Variants in TMEM140 observed in about 807,000 individuals in gnomAD.
TMEM140 encodes the protein transmembrane protein 140.
For synonymous variants in TMEM140, 107 were observed against 106.8 expected, an observed-to-expected ratio of 1.00 and a Z score of -0.01; for missense variants, 236 against 228.5, an observed-to-expected ratio of 1.03 and a Z score of -0.21.
chr7:135,158,445 A>T (rs370350724), intron 1 of TMEM140, among the ~76,000 whole-genome samples: 21 of 152,192 alleles, frequency 1.4e-4, no homozygotes, highest in African/African-American at 4.8e-4. Context: ...CCTCACAAGT[A>T]AGCAGCATTG....
At chr7:135,157,388 G>C (rs528267007) in intron 1 of TMEM140, among the ~76,000 whole-genome samples, 1 of 152,364 alleles carries the variant, frequency 6.6e-6, no homozygotes, top group South Asian at 2.1e-4. Flanking sequence ...AATTAGCTGA[G>C]ACTAAGTCCC....
rs774240687 is a variant in TMEM140, at chr7:135,164,466, C to G, written c.25C>G (p.Arg9Gly). Residue 9 changes from arginine (R) to glycine (G), a missense_variant, in exon 2 of 2, where the codon CGC becomes GGC. Transcript: ENST00000275767. ...GATGGCCGGCCCAAGGCCTCGGTGGCGCGACCAGCTGCTGTTCATGAGCAT... is the reference window on the plus strand; with the variant it reads ...GATGGCCGGCCCAAGGCCTCGGTGGGGCGACCAGCTGCTGTTCATGAGCAT... MAGPRPRW[R>G]DQLLFMSIIV... 6.3e-7 allele frequency: 1 copy of G among 1,599,474 alleles called. No individual in the cohort carries two copies. The highest frequency in any genetic ancestry group is 8.6e-7 in the Non-Finnish European group (1 of 1,167,562).
chr7:135,156,368 C>T (rs1829792124), intron 1 of TMEM140, among the ~76,000 whole-genome samples: 1 of 152,054 alleles, frequency 6.6e-6, no homozygotes, highest in East Asian at 1.9e-4. Context: ...TCTTGCAGTC[C>T]CAGACATCTC....
In TMEM140 at chr7:135,164,822, G is replaced by C. The variant is rs1830049295; in HGVS notation, c.381G>C (p.Leu127=). The change falls in exon 2 of 2, where the codon CTG becomes CTC. Residue 127 remains leucine, a synonymous_variant. Transcript: ENST00000275767. ...VGFLAVSSVL[L]AGGLGLFLSY... ...TCCTGGCTGTGTCCTCTGTGCTGCT[G>C]GCAGGCGGCCTGGGCCTCTTCCTCT... is the stretch of plus-strand genomic sequence containing the variant. 6.2e-7 allele frequency: 1 copy of C among 1,614,102 alleles called. No individual in the cohort carries two copies. Among genetic ancestry groups the C allele is most frequent in the African/African-American group, 1.3e-5 (1 of 75,056 alleles).
rs1476300287 is a variant in TMEM140, at chr7:135,165,100, C to T, written c.*101C>T. The T allele has an allele frequency of 4.8e-5, 67 of 1,394,952 alleles. 1 individual carries two copies. In the East Asian group the frequency reaches 1.4e-3, roughly 29 times the overall value. 86.4% of individuals were successfully genotyped at this position (1,394,952 alleles called of 1,614,324 possible). A position where few individuals can be genotyped will look rare whatever the true frequency, so the allele number is the denominator to read the frequency against. On this transcript the variant is annotated 3_prime_UTR_variant, in exon 2 of 2. Coordinates refer to ENST00000275767, the MANE Select transcript of TMEM140 (RefSeq NM_018295.5). ...AGCTAACGCTGATCTCCAGCTCCAGCGATGGAACCCACTACAGAGGAGGTG... is the reference window on the plus strand; with the variant it reads ...AGCTAACGCTGATCTCCAGCTCCAGTGATGGAACCCACTACAGAGGAGGTG...
chr7:135,151,176 C>T lies in TMEM140; in HGVS notation c.-25+2906C>T, dbSNP rs1274413395. On this transcript the variant is annotated intron_variant, in intron 1 of 1. Coordinates refer to ENST00000275767, the MANE Select transcript of TMEM140 (RefSeq NM_018295.5). This position sits in a 1 kb window ranked among gnomAD's most constrained non-coding sequence, Gnocchi z 4.3. The stretch of plus-strand genomic sequence containing the variant: ...AAGTAAATCAAAACATCACAGCATT[C>T]ATTAAAAACTTGGTGGTTGGGATGG... Among the ~76,000 whole-genome samples the T allele has an allele frequency of 6.6e-6, 1 of 152,128 alleles. No individual in the cohort carries two copies. Among genetic ancestry groups the T allele is most frequent in the Non-Finnish European group, 1.5e-5 (1 of 68,022 alleles).
chr7:135,151,459 C>T lies in TMEM140; in HGVS notation c.-25+3189C>T, dbSNP rs867013440. On this transcript the variant is annotated intron_variant, in intron 1 of 1. Coordinates refer to ENST00000275767, the MANE Select transcript of TMEM140 (RefSeq NM_018295.5). This position sits in a 1 kb window ranked among gnomAD's most constrained non-coding sequence, Gnocchi z 4.3. ...TGGTGGCCTCTGACAAGTAAACCTGCGCCCTTGTTCTATGCCCTGGCAAGC... is the reference window on the plus strand; with the variant it reads ...TGGTGGCCTCTGACAAGTAAACCTGTGCCCTTGTTCTATGCCCTGGCAAGC... Among the ~76,000 whole-genome samples the T allele has an allele frequency of 5.9e-5, 9 of 152,190 alleles. No individual in the cohort carries two copies. Among genetic ancestry groups the T allele is most frequent in the African/African-American group, 9.7e-5 (4 of 41,444 alleles).
intron 1 of TMEM140, among the ~76,000 whole-genome samples, chr7:135,154,432 G>A (rs566080407): frequency 6.6e-6 from 1 of 151,792 alleles, no homozygotes; most frequent in Non-Finnish European, 1.5e-5. Flanking sequence ...CTAATTCCTT[G>A]AGGTGCAATG....
chr7:135,154,577 TTTTAA>T (rs1372217287), intron 1 of TMEM140, among the ~76,000 whole-genome samples: 2 of 152,206 alleles, frequency 1.3e-5, no homozygotes, highest in Non-Finnish European at 2.9e-5. Context: ...TCAAAGATGT[TTTTAA>T]TTTGTCTTAA....
intron 1 of TMEM140, among the ~76,000 whole-genome samples, chr7:135,158,207 G>C (rs1272234623): frequency 6.6e-6 from 1 of 152,102 alleles, no homozygotes; most frequent in Non-Finnish European, 1.5e-5. Context: ...GCATGGGCAA[G>C]AAGCTGTAGG....
chr7:135,156,455 G>A (rs1247885854), intron 1 of TMEM140, among the ~76,000 whole-genome samples: 2 of 151,628 alleles, frequency 1.3e-5, no homozygotes, highest in East Asian at 1.9e-4. Context: ...TCCTGTCTTC[G>A]AGTTCTGAGA....
intron 1 of TMEM140, among the ~76,000 whole-genome samples, chr7:135,156,813 T>G (rs1018265640): frequency 1.3e-5 from 2 of 152,180 alleles, no homozygotes; most frequent in Non-Finnish European, 2.9e-5. Context: ...CAACTTGAAT[T>G]GTAGCTCCCA....
rs760609346 is a variant in TMEM140, at chr7:135,164,851, A to G, written c.410A>G (p.Tyr137Cys). The change falls in exon 2 of 2, where the codon TAT (tyrosine) becomes TGT (cysteine). Residue 137 changes from tyrosine (Y) to cysteine (C), a missense_variant. Tyr to Cys is a radical substitution (Grantham distance 194). Coordinates refer to ENST00000275767, the MANE Select transcript of TMEM140 (RefSeq NM_018295.5). The stretch of plus-strand genomic sequence containing the variant: ...GGCGGCCTGGGCCTCTTCCTCTCCT[A>G]TGTGTGGAAGTGGGTCAGGCTCTCC... Reference protein sequence around the residue: ...LAGGLGLFLSYVWKWVRLSLP... With the variant: ...LAGGLGLFLSCVWKWVRLSLP... 3.1e-6 allele frequency: 5 copies of G among 1,613,674 alleles called. No individual in the cohort carries two copies. The highest frequency in any genetic ancestry group is 4.5e-5 in the East Asian group (2 of 44,840).
intron 1 of TMEM140, among the ~76,000 whole-genome samples, chr7:135,153,318 G>A (rs1478702829): frequency 6.6e-5 from 10 of 151,992 alleles, no homozygotes; most frequent in Admixed American, 1.3e-4. Context: ...GCTGGGCATG[G>A]TGTCACGCAC....
Position 135,151,208 on chromosome 7 carries a change from AC to A in TMEM140, c.-25+2939del, listed in dbSNP as rs531862940. Among the ~76,000 whole-genome samples, 12 of 152,348 alleles carry A rather than the reference AC, an allele frequency of 7.9e-5. No individual in the cohort carries two copies. Among genetic ancestry groups the A allele is most frequent in the African/African-American group, 2.2e-4 (9 of 41,580 alleles). On this transcript the variant is annotated intron_variant, in intron 1 of 1. Transcript: ENST00000275767. The surrounding 1 kb of genome is among the most constrained non-coding windows in gnomAD (Gnocchi z 4.3). ...AACTTGGTGGTTGGGATGGCTGTCC[AC>A]AGAAAACACTGGTGAAATCCAGGAG...
intron 1 of TMEM140, among the ~76,000 whole-genome samples, chr7:135,157,523 T>C (rs1829825497): frequency 6.6e-6 from 1 of 152,216 alleles, no homozygotes; most frequent in South Asian, 2.1e-4. Context: ...GGTTAGTGGG[T>C]CTTGGAGGGC....
chr7:135,158,189 G>T (rs1236669169), intron 1 of TMEM140, among the ~76,000 whole-genome samples: 4 of 151,834 alleles, frequency 2.6e-5, no homozygotes, highest in Non-Finnish European at 5.9e-5. Flanking sequence ...GGTCCCTCCA[G>T]GCAGGCAGCA....
At position 135,151,857 on chromosome 7, in the gene TMEM140, C is replaced by T. The variant is rs1280954358; in HGVS notation, c.-25+3587C>T. ...CTAAAACCCATGCTCCTTACCACCA[C>T]ACTGTGCTACCTCTCAACAGGCAGC... On this transcript the variant is annotated intron_variant, in intron 1 of 1. Coordinates refer to ENST00000275767, the MANE Select transcript of TMEM140 (RefSeq NM_018295.5). The surrounding 1 kb of genome is among the most constrained non-coding windows in gnomAD (Gnocchi z 4.3). Among the ~76,000 whole-genome samples, 3 of 152,194 alleles carry T rather than the reference C, an allele frequency of 2.0e-5. No individual in the cohort carries two copies. Among genetic ancestry groups the T allele is most frequent in the Admixed American group, 6.5e-5 (1 of 15,290 alleles).
At chr7:135,162,039 A>C (rs1432295657) in intron 1 of TMEM140, among the ~76,000 whole-genome samples, 15 of 152,216 alleles carry the variant, frequency 9.9e-5, no homozygotes, top group Admixed American at 9.8e-4. Flanking sequence ...GTCGCTGGTC[A>C]ATCTTCATTC....
Sources: gnomAD v4.1 joint callset for allele counts (sites outside exome capture counted in the v4.1 genomes callset) on GRCh38, gnomAD v4.1.1 for gene constraint, Gnocchi (gnomAD v3.1) non-coding constraint, MANE v1.5 for transcripts, NCBI Gene and HGNC (gene_info 2026-07-23, HGNC 2026-07-21) for gene names.